Variants in ZNF782 observed in about 807,000 individuals in gnomAD.
The protein encoded by ZNF782 is zinc finger protein 782.
In ZNF782, 12 loss-of-function variants were observed where a neutral mutation model predicts 13.0. The ratio of observed to expected loss-of-function variants is 0.92; its 90% CI spans 0.59 to 1.50. The LOEUF is 1.50. ZNF782 is among the 40% of genes most tolerant of loss of function. The pLI is 0.00. For synonymous variants in ZNF782, 284 were observed against 283.0 expected (o/e 1.00, Z -0.04); for missense variants, 770 against 822.9 (o/e 0.94, Z 0.79).
intron 4 of ZNF782, among the ~76,000 whole-genome samples, chr9:96,834,152 T>C (rs1412487061): frequency 6.6e-6 from 1 of 152,204 alleles, no homozygotes; most frequent in African/African-American, 2.4e-5. Context: ...TCTTGAATTG[T>C]AGTTCCCATA....
At chr9:96,912,825 C>A in the ZNF782 span, among the ~76,000 whole-genome samples, 1 of 151,660 alleles carries the variant, frequency 6.6e-6, no homozygotes, top group South Asian at 2.1e-4. Context: ...CTGCGCCCGG[C>A]CTTTTTTTTC....
intron 1 of ZNF782, among the ~76,000 whole-genome samples, chr9:96,866,941 A>G (rs1396732134): frequency 1.3e-5 from 2 of 152,056 alleles, no homozygotes; most frequent in East Asian, 3.9e-4. Context: ...TATTTATCCA[A>G]TGCCTGTACC....
chr9:96,861,188 T>C (rs577053264), intron 2 of ZNF782, among the ~76,000 whole-genome samples: 1 of 152,228 alleles, frequency 6.6e-6, no homozygotes, highest in East Asian at 1.9e-4. Flanking sequence ...TGGGCAAATA[T>C]TTCTTGAATA....
the ZNF782 span, among the ~76,000 whole-genome samples, chr9:96,885,759 A>C: frequency 6.6e-6 from 1 of 152,140 alleles, no homozygotes; most frequent in Non-Finnish European, 1.5e-5. Flanking sequence ...GAAACAACAC[A>C]TTACTTGCAG....
At chr9:96,913,246 CG>C in the ZNF782 span, among the ~76,000 whole-genome samples, 2 of 150,712 alleles carry the variant, frequency 1.3e-5, no homozygotes, top group Non-Finnish European at 3.0e-5. Flanking sequence ...ACCTGGGAGG[CG>C]GAGGTTGCAG....
chr9:96,821,954 G>A (rs117125938), intron 5 of ZNF782, among the ~76,000 whole-genome samples: 3,130 of 152,212 alleles, frequency 0.021, 62 homozygotes, highest in South Asian at 0.035. Context: ...GTAAGCCACC[G>A]CGCCTGGCCA....
intron 4 of ZNF782, among the ~76,000 whole-genome samples, chr9:96,839,592 G>A (rs1851126153): frequency 6.6e-6 from 1 of 151,966 alleles, no homozygotes; most frequent in South Asian, 2.1e-4. Context: ...AACGTATGTA[G>A]TTCAAAAATC....
At chr9:96,866,931 T>C (rs1008009863) in intron 1 of ZNF782, among the ~76,000 whole-genome samples, 7 of 152,168 alleles carry the variant, frequency 4.6e-5, no homozygotes, top group African/African-American at 1.7e-4. Flanking sequence ...GGAATGACTG[T>C]ATTTATCCAA....
chr9:96,855,958 G>A (rs1197870421), upstream of ZNF782, among the ~76,000 whole-genome samples: 1 of 152,174 alleles, frequency 6.6e-6, no homozygotes, highest in Non-Finnish European at 1.5e-5. Context: ...TCTTGCAGGA[G>A]TAAGGTGGTT....
At chr9:96,906,252 C>G in the ZNF782 span, among the ~76,000 whole-genome samples, 1 of 151,364 alleles carries the variant, frequency 6.6e-6, no homozygotes, top group African/African-American at 2.5e-5. Flanking sequence ...ACTTCAGACA[C>G]CAGACGTGTA....
In ZNF782 at chr9:96,818,885, G is replaced by A; in HGVS notation, c.1138C>T (p.His380Tyr). ...TGACTTTTCTGAGGCCAAATCAAGT[G>A]TGAATTCATAGAGCAGGATTTCCCA... is the stretch of plus-strand genomic sequence containing the variant. ...ECGKSCSMNSHLIWPQKSHTG... is the reference protein window; with the variant it reads ...ECGKSCSMNSYLIWPQKSHTG... Residue 380 changes from histidine to tyrosine, a missense_variant, in exon 6 of 6, where the codon CAC becomes TAC. Coordinates refer to ENST00000481138, the MANE Select transcript of ZNF782 (RefSeq NM_001001662.3). 6.2e-7 allele frequency: 1 copy of A among 1,614,192 alleles called. No homozygotes were observed. Among genetic ancestry groups the A allele is most frequent in the Non-Finnish European group, 8.5e-7 (1 of 1,180,040 alleles).
intron 1 of ZNF782, among the ~76,000 whole-genome samples, chr9:96,865,886 C>T (rs548714278): frequency 5.7e-4 from 87 of 152,224 alleles, no homozygotes; most frequent in African/African-American, 2.1e-3. Flanking sequence ...TATTTTCGCC[C>T]CACCCTAGAG....
In ZNF782 at chr9:96,853,549, A is replaced by G. The variant is rs371673473; in HGVS notation, c.-261-480T>C. Reference sequence around the variant, plus strand: ...CTTAGAATTCTTTACATCAGACTTAAAAGAGAGACACCCTGACAATGCAGA... The same window carrying G: ...CTTAGAATTCTTTACATCAGACTTAGAAGAGAGACACCCTGACAATGCAGA... On this transcript the variant is annotated intron_variant, in intron 1 of 5. Coordinates refer to ENST00000481138, the MANE Select transcript of ZNF782 (RefSeq NM_001001662.3). 5.4e-4 allele frequency among the ~76,000 whole-genome samples: 82 copies of G among 152,314 alleles called. 5 individuals are homozygous for G. In the South Asian group the frequency reaches 0.017, roughly 31 times the overall value.
the ZNF782 span, among the ~76,000 whole-genome samples, chr9:96,909,854 A>G: frequency 3.6e-4 from 55 of 151,624 alleles, 2 homozygotes; most frequent in Non-Finnish European, 7.4e-4. Context: ...GTGAAAAGCC[A>G]CATATGTCTT....
At position 96,819,063 on chromosome 9, in the gene ZNF782, G is replaced by T. The variant is rs776486781; in HGVS notation, c.960C>A (p.Asn320Lys). The T allele has an allele frequency of 6.2e-7, 1 of 1,614,084 alleles. No individual in the cohort carries two copies. Among genetic ancestry groups the T allele is most frequent in the Admixed American group, 1.7e-5 (1 of 60,010 alleles). ...GATGCACTGGGAGGGTTGAATTACG[G>T]TTGAAACTTTTTCCATATTCAAAGG... ...VKPFEYGKSF[N>K]RNSTLPVHQR... Residue 320 changes from asparagine (N) to lysine (K), a missense_variant, in exon 6 of 6, where the codon AAC (asparagine) becomes AAA (lysine). Physicochemically the swap from Asn to Lys is moderately conservative, Grantham distance 94. Transcript: ENST00000481138.
chr9:96,867,319 C>A (rs1431991509), intron 1 of ZNF782, among the ~76,000 whole-genome samples: 2 of 152,124 alleles, frequency 1.3e-5, no homozygotes, highest in Non-Finnish European at 2.9e-5. Flanking sequence ...TAAGGAGTTT[C>A]CCTATACAAG....
chr9:96,901,581 A>G, the ZNF782 span, among the ~76,000 whole-genome samples: 1 of 152,082 alleles, frequency 6.6e-6, no homozygotes. Context: ...CTGATAAAAA[A>G]ACTTTATGGA....
At chr9:96,889,204 T>G in the ZNF782 span, 2 of 152,210 alleles carry the variant, frequency 1.3e-5, no homozygotes, top group East Asian at 3.9e-4. Context: ...AATGCTGTCT[T>G]CTCTGGACGC....
At chr9:96,831,805 T>G (rs1300162919) in intron 4 of ZNF782, among the ~76,000 whole-genome samples, 1 of 152,176 alleles carries the variant, frequency 6.6e-6, no homozygotes, top group African/African-American at 2.4e-5. Flanking sequence ...GTCTGTTTTA[T>G]CTGATATTAA....
Sources: allele counts gnomAD v4.1 joint callset (sites outside exome capture counted in the v4.1 genomes callset), GRCh38; gene constraint gnomAD v4.1.1; transcripts MANE v1.5; gene names NCBI Gene and HGNC (gene_info 2026-07-23, HGNC 2026-07-21).